The following TCF7L2 variants were observed in gnomAD, a reference collection of about 807,000 sequenced individuals.
TCF7L2 encodes the protein transcription factor 7-like 2.
In TCF7L2, 23 loss-of-function variants were observed where a neutral mutation model predicts 77.9. The observed-to-expected ratio is 0.30, with a 90% CI of 0.21 to 0.42. The LOEUF (loss-of-function observed/expected upper bound fraction) is 0.42. Ranked by LOEUF, TCF7L2 falls within the 10% of genes least tolerant of loss-of-function variation. The pLI, the probability that TCF7L2 is intolerant of heterozygous loss-of-function variation, is 1.00. For missense variants in TCF7L2, 654 were observed against 793.1 expected, an observed-to-expected ratio of 0.82 and a Z score of 2.11; for synonymous variants, 413 against 340.2, an observed-to-expected ratio of 1.21 and a Z score of -2.36.
chr10:113,002,501 C>T (rs2044674154), intron 4 of TCF7L2, among the ~76,000 whole-genome samples: 1 of 152,130 alleles, frequency 6.6e-6, no homozygotes. Flanking sequence ...TCCAGCCCAA[C>T]ATGTCACTAG....
intron 5 of TCF7L2, among the ~76,000 whole-genome samples, chr10:113,130,979 T>C (rs1211514875): frequency 6.6e-6 from 1 of 152,086 alleles, no homozygotes; most frequent in Non-Finnish European, 1.5e-5. Context: ...TTGGCCAGGC[T>C]AGTCTTGAAC....
At chr10:113,120,546 A>G (rs1414748138) in intron 5 of TCF7L2, among the ~76,000 whole-genome samples, 1 of 152,192 alleles carries the variant, frequency 6.6e-6, no homozygotes, top group Admixed American at 6.5e-5. Context: ...AGGAAGGACT[A>G]TTCTTTGGAG....
intron 4 of TCF7L2, among the ~76,000 whole-genome samples, chr10:113,019,389 T>TG (rs977677969): frequency 1.2e-4 from 18 of 151,644 alleles, no homozygotes; most frequent in Admixed American, 2.6e-4. Flanking sequence ...CTAATGGTTG[T>TG]GGGGGGGTGG....
intron 13 of TCF7L2, among the ~76,000 whole-genome samples, chr10:113,162,398 T>C (rs1411595332): frequency 6.6e-6 from 1 of 152,130 alleles, no homozygotes; most frequent in East Asian, 1.9e-4. Flanking sequence ...CTTGAAGTTA[T>C]TCCTAACATT....
chr10:112,962,547 C>T (rs570264806), intron 3 of TCF7L2, among the ~76,000 whole-genome samples: 64 of 152,262 alleles, frequency 4.2e-4, no homozygotes, highest in African/African-American at 1.4e-3. Context: ...GAGATAGGGA[C>T]AAAGGGTGCA....
intron 5 of TCF7L2, among the ~76,000 whole-genome samples, chr10:113,125,261 C>A (rs2065400242): frequency 6.6e-6 from 1 of 150,768 alleles, no homozygotes; most frequent in South Asian, 2.1e-4. Context: ...AAAAAGTCGT[C>A]TTTTTCTTTA....
chr10:113,164,691 T>G (rs1326326557), intron 13 of TCF7L2, among the ~76,000 whole-genome samples: 3 of 152,152 alleles, frequency 2.0e-5, no homozygotes, highest in Non-Finnish European at 4.4e-5. Context: ...TCATTTTCTG[T>G]TTTTCTTATT....
At chr10:112,981,561 C>A (rs566120917) in intron 4 of TCF7L2, among the ~76,000 whole-genome samples, 8 of 152,290 alleles carry the variant, frequency 5.3e-5, no homozygotes, top group African/African-American at 1.9e-4. Context: ...CCTACCACCA[C>A]CCTCTTTGGA....
chr10:113,144,275 G>A (rs778251968), intron 7 of TCF7L2, among the ~76,000 whole-genome samples: 43 of 152,152 alleles, frequency 2.8e-4, no homozygotes, highest in Admixed American at 9.2e-4. Context: ...TTAGCATTCC[G>A]CGACCATGGT....
intron 5 of TCF7L2, among the ~76,000 whole-genome samples, chr10:113,117,569 A>G (rs929928715): frequency 1.3e-5 from 2 of 152,128 alleles, no homozygotes; most frequent in African/African-American, 4.8e-5. Flanking sequence ...AAGGCAAGGT[A>G]TTGGAATATG....
intron 4 of TCF7L2, among the ~76,000 whole-genome samples, chr10:113,014,033 C>T (rs915286029): frequency 1.3e-5 from 2 of 152,178 alleles, no homozygotes; most frequent in Non-Finnish European, 2.9e-5. Flanking sequence ...GGGGTCCCTG[C>T]GCTGTCTCAA....
chr10:112,961,132 G>C (rs1041170825), intron 3 of TCF7L2, among the ~76,000 whole-genome samples: 6 of 151,986 alleles, frequency 3.9e-5, no homozygotes, highest in African/African-American at 1.5e-4. Context: ...TCCTGCCTCA[G>C]CCTCCCTCAT....
At chr10:113,112,609 T>C (rs1315314280) in intron 5 of TCF7L2, among the ~76,000 whole-genome samples, 1 of 152,220 alleles carries the variant, frequency 6.6e-6, no homozygotes, top group Admixed American at 6.5e-5. Context: ...TTAAATCAAC[T>C]TACTGGATTT....
At chr10:113,109,327 A>G (rs1376163593) in intron 5 of TCF7L2, among the ~76,000 whole-genome samples, 2 of 152,144 alleles carry the variant, frequency 1.3e-5, no homozygotes, top group African/African-American at 4.8e-5. Flanking sequence ...CCATCTATAA[A>G]ATAGGGATAG....
chr10:113,154,638 T>G (rs1406962722), intron 11 of TCF7L2, among the ~76,000 whole-genome samples: 2 of 152,216 alleles, frequency 1.3e-5, no homozygotes, highest in East Asian at 1.9e-4. Flanking sequence ...GGGAGTCGTT[T>G]AGAGAAAGTA....
At chr10:113,103,956 G>T (rs1231437123) in intron 5 of TCF7L2, among the ~76,000 whole-genome samples, 2 of 152,192 alleles carry the variant, frequency 1.3e-5, no homozygotes, top group Non-Finnish European at 2.9e-5. Context: ...TTAGCACTGT[G>T]CTCTGACTAT....
intron 1 of TCF7L2, 65 bp from the exon 2 acceptor site, chr10:112,951,142 C>A (rs371377404): frequency 1.5e-6 from 2 of 1,352,174 alleles, no homozygotes; most frequent in East Asian, 5.2e-5. Context: ...TTCTTTTTCT[C>A]CCCCTTCTCC....
At chr10:113,017,320 T>C (rs1186141328) in intron 4 of TCF7L2, among the ~76,000 whole-genome samples, 1 of 152,116 alleles carries the variant, frequency 6.6e-6, no homozygotes, top group Non-Finnish European at 1.5e-5. Flanking sequence ...TGATGCAGGG[T>C]GCTGTGTGGT....
At chr10:113,034,973 C>T (rs145904869) in intron 4 of TCF7L2, among the ~76,000 whole-genome samples, 3 of 151,078 alleles carry the variant, frequency 2.0e-5, no homozygotes, top group Admixed American at 1.3e-4. Context: ...CCCTCCTTCC[C>T]TTTCCTCCCC....
Sources: allele counts gnomAD v4.1 joint callset (sites outside exome capture counted in the v4.1 genomes callset), GRCh38; gene constraint gnomAD v4.1.1; transcripts MANE v1.5; gene names NCBI Gene and HGNC (gene_info 2026-07-23, HGNC 2026-07-21).